The following C19orf38 variants were observed in gnomAD, a reference collection of about 807,000 sequenced individuals.
The protein encoded by C19orf38 is chromosome 19 open reading frame 38.
A neutral mutation model predicts 26.6 loss-of-function variants in C19orf38; 14 were observed. The ratio of observed to expected loss-of-function variants is 0.53; its 90% CI spans 0.35 to 0.82. C19orf38 has a LOEUF of 0.82. Among genes scored for constraint, C19orf38 ranks in the 40% least tolerant of loss-of-function variants. The pLI is 0.01. For missense variants in C19orf38, 261 were observed against 299.5 expected (o/e 0.87, Z 0.95); for synonymous variants, 132 against 128.5 (o/e 1.03, Z -0.18).
rs1448267318 is a variant in C19orf38 at position 10,863,256 on chromosome 19, G to A, written c.543+49G>A. 1.8e-5 allele frequency: 27 copies of A among 1,532,514 alleles called. 1 individual carries two copies. In the Admixed American group the frequency reaches 4.1e-4, roughly 23 times the overall value. The allele number at this position is 1,532,514 out of a possible 1,614,324, so 94.9% of individuals were successfully genotyped here. A position where few individuals can be genotyped will look rare whatever the true frequency, so the allele number is the denominator to read the frequency against. On this transcript the variant is annotated intron_variant, in intron 6 of 6. Coordinates refer to ENST00000397820, the MANE Select transcript of C19orf38 (RefSeq NM_001136482.3). Reference sequence around the variant, plus strand: ...CCGGTTTTCTGCTGACCGTCCTACCGGGAGAACGGGGCGGGCTCAAGGGGC... The same window carrying A: ...CCGGTTTTCTGCTGACCGTCCTACCAGGAGAACGGGGCGGGCTCAAGGGGC...
At chr19:10,864,364 G>T (rs1286150028) in intron 6 of C19orf38, among the ~76,000 whole-genome samples, 1 of 152,078 alleles carries the variant, frequency 6.6e-6, no homozygotes, top group East Asian at 1.9e-4. Context: ...TTAGACAGGA[G>T]ATCAGGAAAG....
intron 1 of C19orf38, among the ~76,000 whole-genome samples, chr19:10,839,147 C>T (rs528339802): frequency 3.9e-5 from 6 of 152,196 alleles, no homozygotes; most frequent in South Asian, 2.1e-4. Context: ...CCTCATGATC[C>T]GCCCACCTTG....
intron 5 of C19orf38, among the ~76,000 whole-genome samples, chr19:10,861,111 C>T (rs1444490200): frequency 1.3e-5 from 2 of 152,138 alleles, no homozygotes; most frequent in African/African-American, 4.8e-5. Context: ...CCACTGCACT[C>T]CAGCCTGGTG....
rs1156700500 is a variant in C19orf38, at chr19:10,850,468, G to A, written c.241G>A (p.Ala81Thr). The A allele has an allele frequency of 2.6e-6, 4 of 1,551,598 alleles. No individual in the cohort carries two copies. The highest frequency in any genetic ancestry group is 3.5e-6 in the Non-Finnish European group (4 of 1,146,968). ...TAACCTGAGCGGCGGCAGCAGCAAG[G>A]CTCCAGGGGGACCCTTCCACTGCCA... is the stretch of plus-strand genomic sequence containing the variant. Reference protein sequence around the residue: ...TFNLSGGSSKAPGGPFHCQYG... With the variant: ...TFNLSGGSSKTPGGPFHCQYG... Residue 81 changes from alanine (A) to threonine (T), a missense_variant, in exon 2 of 7, where the codon GCT becomes ACT. By Grantham distance (58) the Ala-to-Thr change is moderately conservative. Transcript: ENST00000397820.
intron 1 of C19orf38, among the ~76,000 whole-genome samples, chr19:10,840,098 C>T (rs1568331006): frequency 6.6e-6 from 1 of 152,156 alleles, no homozygotes; most frequent in Admixed American, 6.6e-5. Flanking sequence ...AGTACAGCTG[C>T]TGTTAACATG....
At chr19:10,848,002 C>G (rs993564883), upstream of C19orf38, among the ~76,000 whole-genome samples, 2 of 151,908 alleles carry the variant, frequency 1.3e-5, no homozygotes, top group Non-Finnish European at 2.9e-5. Flanking sequence ...ACCATCCTGG[C>G]CAACACAGCA....
At chr19:10,849,699 A>T (rs1181268644) in intron 1 of C19orf38, among the ~76,000 whole-genome samples, 1 of 150,654 alleles carries the variant, frequency 6.6e-6, no homozygotes, top group African/African-American at 2.4e-5. Flanking sequence ...TAAATAAATA[A>T]ATAAAGTAAT....
At chr19:10,837,334 C>G (rs534554533) in intron 1 of C19orf38, among the ~76,000 whole-genome samples, 86 of 152,232 alleles carry the variant, frequency 5.6e-4, no homozygotes, top group African/African-American at 2.0e-3. Context: ...TCAGCACTTT[C>G]CTGCATTTGG....
At chr19:10,845,776 G>T (rs1599656690), upstream of C19orf38, among the ~76,000 whole-genome samples, 1 of 151,616 alleles carries the variant, frequency 6.6e-6, no homozygotes, top group Admixed American at 6.6e-5. Flanking sequence ...CTACTCAGGA[G>T]TCTGAGGCAG....
chr19:10,848,397 C>T (rs1463458495), upstream of C19orf38: 16 of 1,198,420 alleles, frequency 1.3e-5, no homozygotes, highest in East Asian at 5.1e-5. Flanking sequence ...ACTCTCAGCT[C>T]GAGAATCAGC....
chr19:10,858,387 G>T, intron 4 of C19orf38, 44 bp downstream of exon 4: 1 of 1,512,348 alleles, frequency 6.6e-7, no homozygotes. Flanking sequence ...TTTGGGGAAA[G>T]AAGGACACTT....
At chr19:10,839,560 C>G (rs561938765) in intron 1 of C19orf38, among the ~76,000 whole-genome samples, 1 of 152,204 alleles carries the variant, frequency 6.6e-6, no homozygotes, top group East Asian at 1.9e-4. Context: ...AGGGATTTAC[C>G]TACTCTGGAT....
In C19orf38 at chr19:10,850,390, G is replaced by T. The variant is rs568679718; in HGVS notation, c.163G>T (p.Gly55Trp). The T allele has an allele frequency of 2.4e-5, 37 of 1,550,838 alleles. No individual in the cohort carries two copies. The African/African-American group carries it at 4.2e-4, about 18-fold the overall frequency. The change falls in exon 2 of 7, where the codon GGG becomes TGG. Residue 55 changes from glycine (G) to tryptophan (W), a missense_variant. Coordinates refer to ENST00000397820, the MANE Select transcript of C19orf38 (RefSeq NM_001136482.3). ...PGANFTLYRG[G>W]QVVQLLQAPT... The stretch of plus-strand genomic sequence containing the variant: ...GGCGAATTTCACACTGTATCGAGGG[G>T]GGCAGGTGGTCCAGCTCCTGCAGGC...
At chr19:10,847,214 A>G (rs1201353090), upstream of C19orf38, among the ~76,000 whole-genome samples, 2 of 152,128 alleles carry the variant, frequency 1.3e-5, no homozygotes, top group Non-Finnish European at 2.9e-5. Flanking sequence ...ATCACAAACT[A>G]TATCCAGAAT....
rs557944323 is a variant in C19orf38, at chr19:10,853,905, T to G, written c.341-2360T>G. ...GCTACCCCGTCCGGCTAATGTTTTTTTTTTTTTTTTTTTAATTAGGAGGGA... is the reference window on the plus strand; with the variant it reads ...GCTACCCCGTCCGGCTAATGTTTTTGTTTTTTTTTTTTTAATTAGGAGGGA... On this transcript the variant is annotated intron_variant, in intron 2 of 6. Coordinates refer to ENST00000397820, the MANE Select transcript of C19orf38 (RefSeq NM_001136482.3). Among the ~76,000 whole-genome samples, 68 of 150,996 alleles carry G rather than the reference T, an allele frequency of 4.5e-4. 1 individual carries two copies. Among genetic ancestry groups the G allele is most frequent in the African/African-American group, 1.6e-3 (66 of 41,238 alleles).
Position 10,850,360 on chromosome 19 carries a change from C to T in C19orf38, c.133C>T (p.Pro45Ser). The T allele has an allele frequency of 6.4e-7, 1 of 1,551,214 alleles. No individual in the cohort carries two copies. Among genetic ancestry groups the T allele is most frequent in the South Asian group, 1.2e-5 (1 of 84,002 alleles). ...CGCATGCATGGCCCCTGGGAACTTC[C>T]CGGGGGCGAATTTCACACTGTATCG... ...HIACMAPGNF[P>S]GANFTLYRGG... Residue 45 changes from proline (P) to serine (S), a missense_variant, in exon 2 of 7, where the codon CCG (proline) becomes TCG (serine). By Grantham distance (74) the Pro-to-Ser change is moderately conservative (BLOSUM62 -1). Transcript: ENST00000397820.
At chr19:10,869,161 C>T in intron 6 of C19orf38, 57 bp from the exon 7 acceptor site, 3 of 1,544,322 alleles carry the variant, frequency 1.9e-6, no homozygotes, top group South Asian at 1.2e-5. Flanking sequence ...ATGGAGAAAC[C>T]CTAGATCCTG....
rs2073623031 is a variant in C19orf38, at chr19:10,856,165, T to G, written c.341-100T>G. On this transcript the variant is annotated intron_variant, in intron 2 of 6. Coordinates refer to ENST00000397820, the MANE Select transcript of C19orf38 (RefSeq NM_001136482.3). ...AGTCTCTTGGGTCCAGCTGCATTCATGTTCTTTGGTTGGGGGTTATGGGGT... is the reference window on the plus strand; with the variant it reads ...AGTCTCTTGGGTCCAGCTGCATTCAGGTTCTTTGGTTGGGGGTTATGGGGT... 5.6e-6 allele frequency: 5 copies of G among 886,706 alleles called. No homozygotes were observed. The Admixed American group carries it at 6.6e-5, about 12-fold the overall frequency. 54.9% of individuals were successfully genotyped at this position (886,706 alleles called of 1,614,324 possible).
intron 6 of C19orf38, among the ~76,000 whole-genome samples, chr19:10,865,846 T>A (rs1245188211): frequency 6.6e-6 from 1 of 151,950 alleles, no homozygotes; most frequent in Non-Finnish European, 1.5e-5. Flanking sequence ...AGGGTCTTGC[T>A]CTGTCTCCCA....
Sources: gnomAD v4.1 joint callset for allele counts (sites outside exome capture counted in the v4.1 genomes callset) on GRCh38, gnomAD v4.1.1 for gene constraint, MANE v1.5 for transcripts, NCBI Gene and HGNC (gene_info 2026-07-23, HGNC 2026-07-21) for gene names.